WDR70: variants seen among roughly 807,000 people sequenced by gnomAD.
The protein encoded by WDR70 is WD repeat domain 70, also known as WD repeat-containing protein 70.
WDR70 carries 53 observed loss-of-function variants against 88.6 expected under a neutral mutation model. That is an observed-to-expected ratio of 0.60 (90% CI 0.48 to 0.75). The LOEUF (loss-of-function observed/expected upper bound fraction) is 0.75, where lower values mean the gene tolerates loss of function less well. Among genes scored for constraint, WDR70 ranks in the 30% least tolerant of loss-of-function variants. The pLI, the probability that WDR70 is intolerant of heterozygous loss-of-function variation, is 0.00. For missense variants in WDR70, 610 were observed against 823.2 expected, an observed-to-expected ratio of 0.74 and a Z score of 3.17; for synonymous variants, 280 against 270.0, an observed-to-expected ratio of 1.04 and a Z score of -0.36.
In WDR70 at chr5:37,438,713, G is replaced by A. The variant is rs1252899053; in HGVS notation, c.552+732G>A. On this transcript the variant is annotated intron_variant, in intron 6 of 17. Coordinates refer to ENST00000265107, the MANE Select transcript of WDR70 (RefSeq NM_018034.4). ...AATCAATAGAGGTAGACCCAGAAAT[G>A]ATATAAACAGGGTCATTCTTACAGT... 3.9e-5 allele frequency among the ~76,000 whole-genome samples: 6 copies of A among 152,118 alleles called. No homozygotes were observed. In the East Asian group the frequency reaches 7.7e-4, roughly 20 times the overall value.
intron 10 of WDR70, among the ~76,000 whole-genome samples, chr5:37,623,340 T>G (rs1019720000): frequency 6.6e-6 from 1 of 152,134 alleles, no homozygotes; most frequent in African/African-American, 2.4e-5. Context: ...TAAATATTGG[T>G]GATTGCAGTT....
intron 9 of WDR70, among the ~76,000 whole-genome samples, chr5:37,543,514 A>T (rs1365313400): frequency 6.6e-6 from 1 of 151,376 alleles, no homozygotes; most frequent in African/African-American, 2.4e-5. Context: ...TATGGAGAGA[A>T]AGAGAGAGAG....
intron 9 of WDR70, among the ~76,000 whole-genome samples, chr5:37,524,663 T>C (rs1360084658): frequency 6.6e-6 from 1 of 152,112 alleles, no homozygotes; most frequent in East Asian, 1.9e-4. Flanking sequence ...GGCTAAATGC[T>C]CCAATTAAAA....
chr5:37,548,484 T>C (rs1000517709), intron 9 of WDR70, among the ~76,000 whole-genome samples: 77 of 152,176 alleles, frequency 5.1e-4, no homozygotes, highest in Non-Finnish European at 4.4e-5. Flanking sequence ...TTAAATCAGA[T>C]TATTAGAGAT....
chr5:37,697,380 G>A (rs867083354), intron 10 of WDR70, among the ~76,000 whole-genome samples: 28 of 152,316 alleles, frequency 1.8e-4, no homozygotes, highest in South Asian at 6.2e-4. Context: ...AGAAGTTATT[G>A]TAGTCTTGTC....
intron 8 of WDR70, among the ~76,000 whole-genome samples, chr5:37,493,627 T>C (rs1393178467): frequency 6.6e-6 from 1 of 152,210 alleles, no homozygotes; most frequent in African/African-American, 2.4e-5. Flanking sequence ...TGTGCCAGAC[T>C]TCTGACCTAC....
At chr5:37,496,986 C>T (rs1470723596) in intron 8 of WDR70, among the ~76,000 whole-genome samples, 1 of 152,142 alleles carries the variant, frequency 6.6e-6, no homozygotes, top group Admixed American at 6.5e-5. Flanking sequence ...GATCTAAGTC[C>T]TCAAAGGCTG....
At chr5:37,423,371 AAAAG>A (rs1750009149) in intron 5 of WDR70, among the ~76,000 whole-genome samples, 1 of 151,362 alleles carries the variant, frequency 6.6e-6, no homozygotes, top group Non-Finnish European at 1.5e-5. Flanking sequence ...TTAAAAAAAA[AAAAG>A]AAGAAAAGGA....
chr5:37,516,331 C>G (rs1004023661), intron 8 of WDR70, among the ~76,000 whole-genome samples, 183 bp from the exon 9 acceptor site: 1 of 151,766 alleles, frequency 6.6e-6, no homozygotes, highest in Non-Finnish European at 1.5e-5. Flanking sequence ...AGAGTTAAAG[C>G]GAAATAAATG....
intron 9 of WDR70, among the ~76,000 whole-genome samples, chr5:37,594,062 G>A (rs1743622378): frequency 6.6e-6 from 1 of 152,162 alleles, no homozygotes; most frequent in South Asian, 2.1e-4. Flanking sequence ...TTTGTCAGAG[G>A]AGTAGATTGC....
intron 7 of WDR70, among the ~76,000 whole-genome samples, chr5:37,444,175 A>C (rs1281261695): frequency 1.3e-5 from 2 of 151,816 alleles, no homozygotes. Flanking sequence ...AAAAAAAACA[A>C]AACTTTGTTT....
intron 9 of WDR70, among the ~76,000 whole-genome samples, chr5:37,597,195 T>G (rs1372237166): frequency 6.6e-6 from 1 of 152,182 alleles, no homozygotes; most frequent in Non-Finnish European, 1.5e-5. Context: ...AAAATAAATT[T>G]TCATTTATCT....
chr5:37,453,573 G>A (rs1009356483), intron 7 of WDR70, among the ~76,000 whole-genome samples: 8 of 152,214 alleles, frequency 5.3e-5, no homozygotes, highest in Admixed American at 4.6e-4. Flanking sequence ...TCCAGCGTGG[G>A]CATTATGGCC....
chr5:37,619,861 C>T (rs1744456169), intron 10 of WDR70: 1 of 148,366 alleles, frequency 6.7e-6, no homozygotes, highest in Non-Finnish European at 1.5e-5. Flanking sequence ...AAATAAAGAG[C>T]TTTGCAAGAT....
intron 8 of WDR70, among the ~76,000 whole-genome samples, chr5:37,482,371 G>A (rs1363141166): frequency 2.6e-5 from 4 of 152,164 alleles, no homozygotes; most frequent in Admixed American, 1.3e-4. Flanking sequence ...GCATGGCTGG[G>A]GAGGCCTCAC....
chr5:37,505,821 G>T (rs970779052), intron 8 of WDR70: 6 of 1,385,984 alleles, frequency 4.3e-6, no homozygotes, highest in African/African-American at 4.3e-5. Flanking sequence ...ATTGGTTCCT[G>T]CCAGAGTTGC....
intron 7 of WDR70, among the ~76,000 whole-genome samples, chr5:37,448,732 T>G (rs1468889834): frequency 2.2e-5 from 1 of 45,314 alleles, no homozygotes; most frequent in Non-Finnish European, 9.7e-5. Flanking sequence ...GTTATTTGGA[T>G]TTCACTGTTT....
intron 10 of WDR70, among the ~76,000 whole-genome samples, chr5:37,640,293 T>C (rs1745072486): frequency 6.6e-6 from 1 of 152,210 alleles, no homozygotes; most frequent in Non-Finnish European, 1.5e-5. Flanking sequence ...ACCTGTTGTT[T>C]CAATTTTTAA....
At chr5:37,390,338 A>AC (rs1270211083) in intron 3 of WDR70, among the ~76,000 whole-genome samples, 3 of 51,434 alleles carry the variant, frequency 5.8e-5, no homozygotes, top group East Asian at 6.6e-4. Flanking sequence ...CCTATAATAT[A>AC]AATTTTTTTT....
Sources: allele counts gnomAD v4.1 joint callset (sites outside exome capture counted in the v4.1 genomes callset), GRCh38; gene constraint gnomAD v4.1.1; transcripts MANE v1.5; gene names NCBI Gene and HGNC (gene_info 2026-07-23, HGNC 2026-07-21).